The following KCNH7 variants were observed in gnomAD, a reference collection of about 807,000 sequenced individuals.
KCNH7 encodes potassium voltage-gated channel subfamily H member 7, also known as voltage-gated inwardly rectifying potassium channel KCNH7.
Under a neutral mutation model 120.8 loss-of-function variants are expected in KCNH7, and 49 were observed. The ratio of observed to expected loss-of-function variants is 0.41; its 90% CI spans 0.32 to 0.51. The LOEUF (loss-of-function observed/expected upper bound fraction) is 0.51. Ranked by LOEUF, KCNH7 falls within the 20% of genes least tolerant of loss-of-function variation. The probability of loss-of-function intolerance (pLI) is 0.38; values close to 1 mark genes in which losing one functional copy is unlikely to be tolerated. For synonymous variants in KCNH7, 547 were observed against 516.1 expected, an observed-to-expected ratio of 1.06 and a Z score of -0.81; for missense variants, 1,097 against 1,446.6, an observed-to-expected ratio of 0.76 and a Z score of 3.92.
At chr2:162,458,782 T>A (rs1029324661) in intron 6 of KCNH7, among the ~76,000 whole-genome samples, 2 of 152,154 alleles carry the variant, frequency 1.3e-5, no homozygotes, top group Admixed American at 1.3e-4. Context: ...CAGGAGGACG[T>A]CTTCGGCAGG....
At chr2:162,490,501 C>T (rs1690260348) in intron 6 of KCNH7, among the ~76,000 whole-genome samples, 1 of 152,214 alleles carries the variant, frequency 6.6e-6, no homozygotes, top group Admixed American at 6.5e-5. Flanking sequence ...GCAAGAAATC[C>T]TGTGTCATTT....
At chr2:162,442,235 A>C (rs964590175) in intron 7 of KCNH7, among the ~76,000 whole-genome samples, 6 of 150,698 alleles carry the variant, frequency 4.0e-5, no homozygotes, top group Admixed American at 4.0e-4. Flanking sequence ...ACCGTGTTAG[A>C]CAGGATGGTC....
intron 13 of KCNH7, among the ~76,000 whole-genome samples, chr2:162,382,602 CA>C (rs1300758001): frequency 6.6e-6 from 1 of 152,002 alleles, no homozygotes; most frequent in Non-Finnish European, 1.5e-5. Flanking sequence ...GTTCTCTTTT[CA>C]TTTTAGTTTG....
intron 3 of KCNH7, among the ~76,000 whole-genome samples, 162 bp from the exon 4 acceptor site, chr2:162,518,320 A>G (rs568802746): frequency 3.9e-5 from 6 of 151,992 alleles, no homozygotes; most frequent in African/African-American, 9.6e-5. Context: ...TCTGAGACCA[A>G]TGTGAAGTAT....
intron 2 of KCNH7, chr2:162,768,865 G>C (rs1347276589): frequency 6.6e-6 from 1 of 152,240 alleles, no homozygotes; most frequent in Non-Finnish European, 1.5e-5. Flanking sequence ...GGAGAGGTTG[G>C]CTAGTGTTAA....
At chr2:162,749,655 G>A (rs2105428221) in intron 2 of KCNH7, among the ~76,000 whole-genome samples, 1 of 152,226 alleles carries the variant, frequency 6.6e-6, no homozygotes, top group East Asian at 1.9e-4. Context: ...AAGATTGAAG[G>A]AGTCAGCCAA....
At chr2:162,724,480 G>A (rs1285445807) in intron 2 of KCNH7, among the ~76,000 whole-genome samples, 2 of 151,468 alleles carry the variant, frequency 1.3e-5, no homozygotes, top group Non-Finnish European at 2.9e-5. Flanking sequence ...AGACCATCCC[G>A]GCTAAAAAGG....
At chr2:162,561,880 C>T (rs1232388843) in intron 2 of KCNH7, among the ~76,000 whole-genome samples, 3 of 152,080 alleles carry the variant, frequency 2.0e-5, no homozygotes, top group African/African-American at 4.8e-5. Context: ...ACTATGCAGC[C>T]ATAAAAAGGA....
At chr2:162,778,218 AT>A (rs1683328120) in intron 2 of KCNH7, among the ~76,000 whole-genome samples, 1 of 151,938 alleles carries the variant, frequency 6.6e-6, no homozygotes, top group East Asian at 1.9e-4. Context: ...CTATATATAC[AT>A]TTTTTCATTT....
At chr2:162,696,203 G>T (rs1686280482) in intron 2 of KCNH7, among the ~76,000 whole-genome samples, 1 of 152,064 alleles carries the variant, frequency 6.6e-6, no homozygotes, top group Non-Finnish European at 1.5e-5. Context: ...CAAGTACTTA[G>T]ATAATGTAGA....
At chr2:162,643,535 G>A (rs1684239259) in intron 2 of KCNH7, among the ~76,000 whole-genome samples, 2 of 152,014 alleles carry the variant, frequency 1.3e-5, no homozygotes, top group South Asian at 4.1e-4. Flanking sequence ...ACCGCCGGGC[G>A]AGGTGGCTCA....
In KCNH7 at chr2:162,374,277, T is replaced by C. The variant is rs115161208; in HGVS notation, c.3132-615A>G. ...TGTAAGAAGCAGACCAAACTTGACT[T>C]CACTTGCTTCTAATGACCCATCTGG... is the stretch of plus-strand genomic sequence containing the variant. On this transcript the variant is annotated intron_variant, in intron 14 of 15. Coordinates refer to ENST00000332142, the MANE Select transcript of KCNH7 (RefSeq NM_033272.4). Among the ~76,000 whole-genome samples, 484 of 152,274 alleles carry C rather than the reference T, an allele frequency of 3.2e-3. 2 individuals are homozygous for C. The highest frequency in any genetic ancestry group is 0.011 in the African/African-American group (463 of 41,564).
intron 2 of KCNH7, among the ~76,000 whole-genome samples, chr2:162,587,053 CT>C (rs1694044036): frequency 6.6e-6 from 1 of 152,138 alleles, no homozygotes; most frequent in South Asian, 2.1e-4. Flanking sequence ...GTAAGCAAAA[CT>C]TAGTTAGTAT....
rs534424138 is a variant in KCNH7, at chr2:162,673,849, T to G, written c.308-136769A>C. The stretch of plus-strand genomic sequence containing the variant: ...CATTACAACTTAACATCTACTTATA[T>G]TTTTTTACAAAGGAAATTAGCAAAT... On this transcript the variant is annotated intron_variant, in intron 2 of 15. Transcript: ENST00000332142. Among the ~76,000 whole-genome samples the G allele has an allele frequency of 3.3e-5, 5 of 152,038 alleles. No homozygotes were observed. In the South Asian group the frequency reaches 1.0e-3, roughly 31 times the overall value.
At chr2:162,830,931 A>C (rs1410604502) in intron 2 of KCNH7, among the ~76,000 whole-genome samples, 1 of 152,150 alleles carries the variant, frequency 6.6e-6, no homozygotes, top group Non-Finnish European at 1.5e-5. Context: ...ACCCGCTCTA[A>C]GGTATTTTGT....
At chr2:162,759,386 G>A (rs1161957561) in intron 2 of KCNH7, among the ~76,000 whole-genome samples, 3 of 144,650 alleles carry the variant, frequency 2.1e-5, no homozygotes, top group Non-Finnish European at 4.4e-5. Context: ...CCAGCACTGA[G>A]GGAGTAAACT....
intron 4 of KCNH7, among the ~76,000 whole-genome samples, chr2:162,517,224 A>G (rs1236397199): frequency 1.3e-5 from 2 of 151,648 alleles, no homozygotes; most frequent in East Asian, 3.9e-4. Context: ...TTTTCCCTTT[A>G]AATTTTTCCC....
chr2:162,700,267 A>G (rs1463486139), intron 2 of KCNH7, among the ~76,000 whole-genome samples: 1 of 152,212 alleles, frequency 6.6e-6, no homozygotes, highest in Non-Finnish European at 1.5e-5. Flanking sequence ...TCTGAGTACC[A>G]CTGTAGGAAA....
intron 2 of KCNH7, among the ~76,000 whole-genome samples, chr2:162,693,297 C>T (rs1048659577): frequency 6.6e-6 from 1 of 152,142 alleles, no homozygotes. Context: ...AGCACACATG[C>T]ATCTGTAATA....
Sources: allele counts gnomAD v4.1 joint callset (sites outside exome capture counted in the v4.1 genomes callset), GRCh38; gene constraint gnomAD v4.1.1; transcripts MANE v1.5; gene names NCBI Gene and HGNC (gene_info 2026-07-23, HGNC 2026-07-21).